Variants in ZNF385D observed in about 807,000 individuals in gnomAD.
ZNF385D encodes zinc finger protein 659.
A neutral mutation model predicts 35.8 loss-of-function variants in ZNF385D; 15 were observed. The observed-to-expected ratio is 0.42, with a 90% CI of 0.28 to 0.64. ZNF385D has a LOEUF of 0.64. ZNF385D is among the 30% of genes least tolerant of loss of function. The pLI, the probability that ZNF385D is intolerant of heterozygous loss-of-function variation, is 0.23. For synonymous variants in ZNF385D, 212 were observed against 186.8 expected, an observed-to-expected ratio of 1.13 and a Z score of -1.10; for missense variants, 474 against 494.6, an observed-to-expected ratio of 0.96 and a Z score of 0.39.
chr3:21,885,694 A>T (rs1698502785), intron 3 of ZNF385D, among the ~76,000 whole-genome samples: 1 of 151,122 alleles, frequency 6.6e-6, no homozygotes, highest in Non-Finnish European at 1.5e-5. Context: ...ATATATATAT[A>T]TTATATTAGG....
intron 2 of ZNF385D, among the ~76,000 whole-genome samples, chr3:21,601,163 G>T (rs1323017754): frequency 6.6e-6 from 1 of 152,098 alleles, no homozygotes; most frequent in Non-Finnish European, 1.5e-5. Context: ...CACAATTTTA[G>T]AAAACAAGGT....
chr3:21,813,430 T>C (rs2125713106), intron 3 of ZNF385D, among the ~76,000 whole-genome samples: 1 of 152,188 alleles, frequency 6.6e-6, no homozygotes. Flanking sequence ...TCTGAACCCA[T>C]CGCAAAGAAG....
At chr3:22,154,468 C>G (rs1442087419) in intron 3 of ZNF385D, among the ~76,000 whole-genome samples, 2 of 152,162 alleles carry the variant, frequency 1.3e-5, no homozygotes, top group Non-Finnish European at 2.9e-5. Context: ...AATCTGAATT[C>G]CTCCTCTCTG....
rs1320544269 is a variant in ZNF385D at position 21,416,045 on chromosome 3, A to G, written c.*5169T>C. ...TTTTTTTTTTTTTTTTTTTTTTGAG[A>G]CGGAGTCTCGCTCTGTCGCCCAGGT... On this transcript the variant is annotated 3_prime_UTR_variant, in exon 8 of 8. Coordinates refer to ENST00000281523, the MANE Select transcript of ZNF385D (RefSeq NM_024697.3). 1 of 24,970 alleles carries G rather than the reference A, an allele frequency of 4.0e-5. No individual in the cohort carries two copies. Among genetic ancestry groups the G allele is most frequent in the Non-Finnish European group, 5.5e-5 (1 of 18,198 alleles). 1.5% of individuals were successfully genotyped at this position (24,970 alleles called of 1,614,324 possible). A position where few individuals can be genotyped will look rare whatever the true frequency, so the allele number is the denominator to read the frequency against.
chr3:21,995,931 G>T (rs546712446), intron 3 of ZNF385D, among the ~76,000 whole-genome samples: 5 of 152,194 alleles, frequency 3.3e-5, no homozygotes, highest in South Asian at 4.1e-4. Context: ...TTGGGGTGTA[G>T]GATACTGTGT....
At chr3:21,908,114 C>G (rs1430136249) in intron 3 of ZNF385D, among the ~76,000 whole-genome samples, 3 of 139,090 alleles carry the variant, frequency 2.2e-5, no homozygotes, top group African/African-American at 7.9e-5. Context: ...ATATCTTTCT[C>G]TCTATATCTA....
chr3:22,109,347 C>G (rs1451764377), intron 3 of ZNF385D, among the ~76,000 whole-genome samples: 1 of 152,146 alleles, frequency 6.6e-6, no homozygotes, highest in Non-Finnish European at 1.5e-5. Flanking sequence ...TACAAGATGT[C>G]ACCTTGTACA....
At position 22,297,569 on chromosome 3, in the gene ZNF385D, A is replaced by G. The variant is rs1270026428; in HGVS notation, c.106+74881T>C. 2.0e-5 allele frequency among the ~76,000 whole-genome samples: 3 copies of G among 152,128 alleles called. No individual in the cohort carries two copies. The East Asian group carries it at 5.8e-4, about 29-fold the overall frequency. On this transcript the variant is annotated intron_variant, in intron 2 of 5. Transcript: ENST00000494108. ...TGCAGTGGGTAAAGTCCAGAGCAGA[A>G]GCCCCACTCATCTAGGCAATATGGG...
At chr3:21,701,496 C>T (rs1275556977) in intron 1 of ZNF385D, among the ~76,000 whole-genome samples, 3 of 152,056 alleles carry the variant, frequency 2.0e-5, no homozygotes, top group Non-Finnish European at 2.9e-5. Context: ...GGTGGGGACA[C>T]AGCAAAATCA....
At chr3:21,974,216 A>T (rs1406010696) in intron 3 of ZNF385D, among the ~76,000 whole-genome samples, 3 of 152,118 alleles carry the variant, frequency 2.0e-5, no homozygotes, top group African/African-American at 7.2e-5. Context: ...GTACTGGCAT[A>T]TAAACAGACA....
chr3:21,462,428 C>A (rs1703235573), intron 4 of ZNF385D, among the ~76,000 whole-genome samples: 1 of 151,932 alleles, frequency 6.6e-6, no homozygotes, highest in Non-Finnish European at 1.5e-5. Context: ...TTAAGTAAGC[C>A]AAGAGAAGAA....
At chr3:22,337,920 C>G (rs1171254149) in intron 2 of ZNF385D, among the ~76,000 whole-genome samples, 1 of 152,174 alleles carries the variant, frequency 6.6e-6, no homozygotes, top group African/African-American at 2.4e-5. Context: ...GACCCTTTGA[C>G]TTTTCGACAA....
chr3:21,624,402 G>A (rs941266147), intron 2 of ZNF385D, among the ~76,000 whole-genome samples: 16 of 151,962 alleles, frequency 1.1e-4, no homozygotes, highest in Admixed American at 3.3e-4. Context: ...TCCCCATAAA[G>A]CACTGCAATA....
At chr3:21,866,862 T>A in intron 3 of ZNF385D, among the ~76,000 whole-genome samples, 1 of 152,164 alleles carries the variant, frequency 6.6e-6, no homozygotes, top group Non-Finnish European at 1.5e-5. Flanking sequence ...AGGGCCCACA[T>A]CTTTGGGCTT....
chr3:22,102,908 C>G (rs779186), intron 3 of ZNF385D, among the ~76,000 whole-genome samples: 1 of 129,520 alleles, frequency 7.7e-6, no homozygotes, highest in African/African-American at 3.4e-5. Context: ...AAAAAAAAAA[C>G]CAACAAGTTC....
intron 2 of ZNF385D, among the ~76,000 whole-genome samples, chr3:21,628,418 G>A (rs2065192465): frequency 1.3e-5 from 2 of 151,934 alleles, no homozygotes; most frequent in Non-Finnish European, 2.9e-5. Context: ...AACTGATTGT[G>A]TTACCTTAGG....
chr3:21,798,990 T>C (rs780859460), intron 3 of ZNF385D, among the ~76,000 whole-genome samples: 1 of 152,200 alleles, frequency 6.6e-6, no homozygotes, highest in Non-Finnish European at 1.5e-5. Context: ...TGACAAACAT[T>C]AATCTGCTTT....
At chr3:21,774,973 C>T (rs927053863) in intron 3 of ZNF385D, among the ~76,000 whole-genome samples, 2 of 151,872 alleles carry the variant, frequency 1.3e-5, no homozygotes, top group African/African-American at 4.8e-5. Context: ...AAAGCCCTGA[C>T]TTGTATCATT....
chr3:21,427,030 G>A (rs976527620), intron 5 of ZNF385D, among the ~76,000 whole-genome samples: 1 of 152,122 alleles, frequency 6.6e-6, no homozygotes, highest in African/African-American at 2.4e-5. Flanking sequence ...AAGATAGGAC[G>A]AATTGAAACG....
Sources: allele counts gnomAD v4.1 joint callset (sites outside exome capture counted in the v4.1 genomes callset), GRCh38; gene constraint gnomAD v4.1.1; transcripts MANE v1.5; gene names NCBI Gene and HGNC (gene_info 2026-07-23, HGNC 2026-07-21).